Variants in CFAP58 observed in about 807,000 individuals in gnomAD.
CFAP58 encodes cilia- and flagella-associated protein 58.
In CFAP58, 88 loss-of-function variants were observed where a neutral mutation model predicts 119.5. That is an observed-to-expected ratio of 0.74 (90% CI 0.62 to 0.88). The LOEUF is 0.88. Among genes scored for constraint, CFAP58 ranks in the 40% least tolerant of loss-of-function variants. The pLI, the probability that CFAP58 is intolerant of heterozygous loss-of-function variation, is 0.00. For synonymous variants in CFAP58, 365 were observed against 366.3 expected (o/e 1.00, Z 0.04); for missense variants, 990 against 1,021.2 (o/e 0.97, Z 0.42).
intron 17 of CFAP58, among the ~76,000 whole-genome samples, chr10:104,451,758 C>T (rs2013198425): frequency 6.6e-6 from 1 of 152,166 alleles, no homozygotes; most frequent in African/African-American, 2.4e-5. Flanking sequence ...TTTTTTGAGA[C>T]AGAGTCTTAC....
intron 5 of CFAP58, among the ~76,000 whole-genome samples, chr10:104,366,320 C>T (rs998127838): frequency 2.0e-5 from 3 of 152,080 alleles, no homozygotes; most frequent in East Asian, 1.9e-4. Flanking sequence ...ACCACTCAAC[C>T]GCATCTTGGT....
Position 104,364,772 on chromosome 10 carries a change from G to GGA in CFAP58, c.487_488dup (p.Asp163GlufsTer9), listed in dbSNP as rs2014719756. ...TGAGGTTCAAAGAAGAAGTGACAAA[G>GGA]GAGAGAGACCAGCTCTTATCAGAAG... On this transcript the variant is annotated frameshift_variant, in exon 4 of 18. Transcript: ENST00000369704. LOFTEE classifies it high-confidence loss of function. 6.2e-7 allele frequency: 1 copy of GGA among 1,612,690 alleles called. No homozygotes were observed. The highest frequency in any genetic ancestry group is 1.3e-5 in the African/African-American group (1 of 74,648).
upstream of CFAP58, among the ~76,000 whole-genome samples, chr10:104,349,626 CAG>C (rs1267966512): frequency 2.0e-5 from 3 of 152,182 alleles, no homozygotes; most frequent in East Asian, 3.8e-4. Flanking sequence ...CCAGTGGAGA[CAG>C]GGGTGAAGAA....
At chr10:104,344,282 T>C in the CFAP58 span, among the ~76,000 whole-genome samples, 1 of 152,372 alleles carries the variant, frequency 6.6e-6, no homozygotes, top group Non-Finnish European at 1.5e-5. Context: ...TAGGAATACC[T>C]TAATTCACTT....
chr10:104,391,373 G>A (rs1009764771), intron 9 of CFAP58, among the ~76,000 whole-genome samples: 1 of 151,986 alleles, frequency 6.6e-6, no homozygotes, highest in African/African-American at 2.4e-5. Context: ...CATTAATTAA[G>A]GGAACACCAA....
intron 15 of CFAP58, among the ~76,000 whole-genome samples, chr10:104,424,519 G>A (rs2012711663): frequency 6.6e-6 from 1 of 152,156 alleles, no homozygotes; most frequent in African/African-American, 2.4e-5. Flanking sequence ...ATAGAAGTTT[G>A]TAAGACACAA....
At chr10:104,378,429 G>A (rs1419526037) in intron 8 of CFAP58, among the ~76,000 whole-genome samples, 1 of 152,102 alleles carries the variant, frequency 6.6e-6, no homozygotes, top group Non-Finnish European at 1.5e-5. Context: ...CCTGAGTATT[G>A]TCCAGCAGTT....
chr10:104,386,170 G>A (rs1230403300), intron 9 of CFAP58, among the ~76,000 whole-genome samples: 1 of 151,440 alleles, frequency 6.6e-6, no homozygotes, highest in Non-Finnish European at 1.5e-5. Context: ...CTGAGGTCAG[G>A]AGTTCAAGTC....
intron 1 of CFAP58, among the ~76,000 whole-genome samples, chr10:104,356,499 G>A (rs1462695830): frequency 2.6e-5 from 4 of 152,316 alleles, no homozygotes; most frequent in South Asian, 4.1e-4. Flanking sequence ...TGTTGCAAAC[G>A]TAAGTAAGGC....
At position 104,386,800 on chromosome 10, in the gene CFAP58, A is replaced by G. The variant is rs367744352; in HGVS notation, c.1366-5433A>G. ...CACTTTTAAGTATCTGTATCAAGTT[A>G]TTTTCTAACAATATATTTACTTGTG... On this transcript the variant is annotated intron_variant, in intron 9 of 17. Coordinates refer to ENST00000369704, the MANE Select transcript of CFAP58 (RefSeq NM_001008723.2). Among the ~76,000 whole-genome samples the G allele has an allele frequency of 2.0e-5, 3 of 152,318 alleles. No individual in the cohort carries two copies. In the South Asian group the frequency reaches 6.2e-4, roughly 32 times the overall value.
In CFAP58 at chr10:104,357,486, G is replaced by A. The variant is rs546890291; in HGVS notation, c.10-855G>A. ...CCTATGTCTGGCCTCAACACACCGT[G>A]GCCACCCCCCGCTGCCCTTTGCAGT... is the stretch of plus-strand genomic sequence containing the variant. On this transcript the variant is annotated intron_variant, in intron 1 of 17. Transcript: ENST00000369704. Among the ~76,000 whole-genome samples, 21 of 152,190 alleles carry A rather than the reference G, an allele frequency of 1.4e-4. No individual in the cohort carries two copies. The South Asian group carries it at 4.4e-3, about 32-fold the overall frequency.
At chr10:104,347,526 A>G in the CFAP58 span, among the ~76,000 whole-genome samples, 13 of 152,188 alleles carry the variant, frequency 8.5e-5, no homozygotes, top group Admixed American at 5.2e-4. Flanking sequence ...CATCTTCCCA[A>G]CAGTCTGGAG....
In CFAP58 at chr10:104,353,913, A is replaced by T. The variant is rs772389016; in HGVS notation, c.9+7A>T. The T allele has an allele frequency of 6.2e-7, 1 of 1,613,418 alleles. No homozygotes were observed. Among genetic ancestry groups the T allele is most frequent in the South Asian group, 1.1e-5 (1 of 91,052 alleles). On this transcript the variant is annotated splice_region_variant and intron_variant, in intron 1 of 17. Coordinates refer to ENST00000369704, the MANE Select transcript of CFAP58 (RefSeq NM_001008723.2). ...GAGCATCAGGATGGCTGAGGTCAGG[A>T]GTCAGCGCCCCTCTGTCGCCTTTCC...
At position 104,378,993 on chromosome 10, in the gene CFAP58, TCTGCATTTTTAAAAAACTGAG is replaced by T. The variant is rs534629070; in HGVS notation, c.1174-1035_1174-1015del. On this transcript the variant is annotated intron_variant, in intron 8 of 17. Transcript: ENST00000369704. ...AAACTTCGGAGTTGGAACATGAGCA[TCTGCATTTTTAAAAAACTGAG>T]TTAATTGTTTTTGTTGTGGTTAAAT... 2.3e-3 allele frequency among the ~76,000 whole-genome samples: 347 copies of T among 152,158 alleles called. 2 individuals are homozygous for T. The highest frequency in any genetic ancestry group is 8.0e-3 in the African/African-American group (332 of 41,520).
chr10:104,365,967 G>C lies in CFAP58; in HGVS notation c.751G>C (p.Glu251Gln). 6.2e-7 allele frequency: 1 copy of C among 1,608,970 alleles called. No individual in the cohort carries two copies. Among genetic ancestry groups the C allele is most frequent in the Non-Finnish European group, 8.5e-7 (1 of 1,177,578 alleles). Residue 251 changes from glutamate (E) to glutamine (Q), a missense_variant, in exon 5 of 18, where the codon GAG becomes CAG. Physicochemically the swap from Glu to Gln is conservative, Grantham distance 29. Transcript: ENST00000369704. ...GCAGCAGTATGTGCAGAAGAGCAAG[G>C]AGGAGCTTCAGAAGCTGGAGCAGCA... ...ALQQYVQKSK[E>Q]ELQKLEQQLK...
the CFAP58 span, among the ~76,000 whole-genome samples, chr10:104,345,803 CAGCATTTGTAAAGTCT>C: frequency 6.6e-6 from 1 of 152,036 alleles, no homozygotes; most frequent in Non-Finnish European, 1.5e-5. Flanking sequence ...GAAAAGGGAT[CAGCATTTGTAAAGTCT>C]AGAGGTGTTT....
At chr10:104,346,274 A>T in the CFAP58 span, among the ~76,000 whole-genome samples, 3 of 152,066 alleles carry the variant, frequency 2.0e-5, no homozygotes, top group Admixed American at 1.3e-4. Context: ...CTGAGGTAGA[A>T]ACATTGGAAG....
intron 15 of CFAP58, among the ~76,000 whole-genome samples, chr10:104,409,054 T>G (rs1435246877): frequency 3.3e-5 from 5 of 152,156 alleles, no homozygotes; most frequent in Non-Finnish European, 7.3e-5. Flanking sequence ...GAGCTGTGAT[T>G]GTGCCACTGC....
At chr10:104,453,412 C>T (rs762362671) in intron 17 of CFAP58, among the ~76,000 whole-genome samples, 10 of 152,202 alleles carry the variant, frequency 6.6e-5, no homozygotes, top group Non-Finnish European at 1.2e-4. Context: ...CACATATGCC[C>T]TTAACAAAAT....
Sources: allele counts gnomAD v4.1 joint callset (sites outside exome capture counted in the v4.1 genomes callset), GRCh38; gene constraint gnomAD v4.1.1; transcripts MANE v1.5; gene names NCBI Gene and HGNC (gene_info 2026-07-23, HGNC 2026-07-21).